TECPR1: variants seen among roughly 807,000 people sequenced by gnomAD.
TECPR1 encodes tectonin beta-propeller repeat containing 1.
In TECPR1, 122 loss-of-function variants were observed where a neutral mutation model predicts 162.4. That is an observed-to-expected ratio of 0.75 (90% CI 0.65 to 0.87). The LOEUF is 0.87. TECPR1 is among the 40% of genes least tolerant of loss of function. TECPR1 has a pLI of 0.00. For missense variants in TECPR1, 1,432 were observed against 1,618.2 expected (o/e 0.88, Z 1.97); for synonymous variants, 642 against 670.6 (o/e 0.96, Z 0.66).
At chr7:98,236,218 C>T (rs1798597604) in intron 10 of TECPR1, among the ~76,000 whole-genome samples, 1 of 152,218 alleles carries the variant, frequency 6.6e-6, no homozygotes, top group South Asian at 2.1e-4. Flanking sequence ...AAAACTGCAG[C>T]AGCATCACCT....
chr7:98,244,581 A>G lies in TECPR1; in HGVS notation c.521T>C (p.Ile174Thr), dbSNP rs2116624787. The G allele has an allele frequency of 1.9e-6, 3 of 1,608,314 alleles. No homozygotes were observed. The highest frequency in any genetic ancestry group is 4.5e-5 in the East Asian group (2 of 44,730). Residue 174 changes from isoleucine (I) to threonine (T), a missense_variant, in exon 5 of 26, where the codon ATC (isoleucine) becomes ACC (threonine). Ile to Thr is a moderately conservative substitution (Grantham distance 89, BLOSUM62 -1). Coordinates refer to ENST00000447648, the MANE Select transcript of TECPR1 (RefSeq NM_015395.3). ...IRYRRYKSRD[I>T]WAKIPSKDDP... ...TTCAGGAACAGAGACCTTGGCCCAG[A>G]TGTCCCGGGACTTGTATCTCCTGTA... is the stretch of plus-strand genomic sequence containing the variant.
In TECPR1 at chr7:98,240,850, C is replaced by T; in HGVS notation, c.933+1G>A. 1 of 1,598,522 alleles carries T rather than the reference C, an allele frequency of 6.3e-7. No individual in the cohort carries two copies. The highest frequency in any genetic ancestry group is 1.3e-5 in the African/African-American group (1 of 74,780). ...ATCCCCCAGCCTCATCCCCATCTTA[C>T]CTTCCAGTCCTTGGTGACAGCCCAG... On this transcript the variant is annotated splice_donor_variant, in intron 8 of 25. Coordinates refer to ENST00000447648, the MANE Select transcript of TECPR1 (RefSeq NM_015395.3). LOFTEE classifies it high-confidence loss of function.
Position 98,221,953 on chromosome 7 carries a change from C to T in TECPR1, c.3065-200G>A, listed in dbSNP as rs1330807202. 2.0e-5 allele frequency among the ~76,000 whole-genome samples: 3 copies of T among 152,232 alleles called. No homozygotes were observed. In the South Asian group the frequency reaches 6.2e-4, roughly 31 times the overall value. On this transcript the variant is annotated intron_variant, in intron 22 of 25. Coordinates refer to ENST00000447648, the MANE Select transcript of TECPR1 (RefSeq NM_015395.3). ...GGAAGCCATGGCGGGCTCCGATGGA[C>T]TCATCTTGCCAGCGCAACACAAAGG...
At chr7:98,221,468 C>A (rs530822218) in intron 23 of TECPR1, among the ~76,000 whole-genome samples, 193 bp downstream of exon 23, 2 of 131,688 alleles carry the variant, frequency 1.5e-5, no homozygotes, top group African/African-American at 5.2e-5. Flanking sequence ...CACTCTGTAC[C>A]CATAAAAATT....
chr7:98,246,009 C>A lies in TECPR1; in HGVS notation c.138G>T (p.Trp46Cys). The A allele has an allele frequency of 6.2e-7, 1 of 1,603,578 alleles. No individual in the cohort carries two copies. The highest frequency in any genetic ancestry group is 2.3e-5 in the East Asian group (1 of 44,334). ...KRVSATTQCCWGIACDNQVYV... is the reference protein window; with the variant it reads ...KRVSATTQCCCGIACDNQVYV... ...AGACCTGGTTGTCACAGGCAATGCC[C>A]CAGCAGCACTGCGTGGTGGCGCTGA... The change falls in exon 3 of 26, where the codon TGG becomes TGT. Residue 46 changes from tryptophan (W) to cysteine (C), a missense_variant. Transcript: ENST00000447648.
intron 2 of TECPR1, among the ~76,000 whole-genome samples, chr7:98,248,287 C>T (rs1012122229): frequency 6.6e-6 from 1 of 152,126 alleles, no homozygotes; most frequent in Non-Finnish European, 1.5e-5. Context: ...CAGGGCGGCT[C>T]CTAGATCCAA....
chr7:98,216,056 G>C lies in TECPR1; in HGVS notation c.*1334C>G, dbSNP rs981646501. On this transcript the variant is annotated 3_prime_UTR_variant, in exon 26 of 26. Transcript: ENST00000447648. ...TCCAACCGAGCAGAGCCTGGGGTTG[G>C]GCTCTGATGACCTCCCGGGCAAAGT... The C allele has an allele frequency of 2.6e-5, 4 of 152,260 alleles. No homozygotes were observed. Among genetic ancestry groups the C allele is most frequent in the Admixed American group, 6.5e-5 (1 of 15,288 alleles). 9.4% of individuals were successfully genotyped at this position (152,260 alleles called of 1,614,324 possible). A position where few individuals can be genotyped will look rare whatever the true frequency, so the allele number is the denominator to read the frequency against.
At chr7:98,219,802 G>T (rs1419093820) in intron 23 of TECPR1, among the ~76,000 whole-genome samples, 3 of 152,032 alleles carry the variant, frequency 2.0e-5, no homozygotes, top group Admixed American at 1.3e-4. Context: ...TCGGGAGGCT[G>T]AGGTAGGAGA....
intron 2 of TECPR1, among the ~76,000 whole-genome samples, chr7:98,249,519 G>T (rs1470977319): frequency 6.6e-6 from 1 of 152,162 alleles, no homozygotes; most frequent in Admixed American, 6.6e-5. Flanking sequence ...AGGACTGAGG[G>T]TCCCTCTGGC....
chr7:98,251,666 G>C (rs1215339569), intron 1 of TECPR1, 118 bp from the exon 2 acceptor site: 1 of 152,320 alleles, frequency 6.6e-6, no homozygotes, highest in South Asian at 2.1e-4. Flanking sequence ...GTTCAGCCCA[G>C]TGCTGTGCAC....
intron 17 of TECPR1, among the ~76,000 whole-genome samples, chr7:98,227,262 C>A (rs1035726170): frequency 3.3e-5 from 5 of 151,516 alleles, no homozygotes; most frequent in Non-Finnish European, 7.4e-5. Flanking sequence ...CGTGGTGGAG[C>A]GCGCCTGTAA....
intron 16 of TECPR1, among the ~76,000 whole-genome samples, 154 bp from the exon 17 acceptor site, chr7:98,228,270 A>C (rs1395883677): frequency 6.6e-6 from 1 of 152,136 alleles, no homozygotes; most frequent in Non-Finnish European, 1.5e-5. Flanking sequence ...AGCTTATCGC[A>C]CGGGGGTCGG....
rs1798280225 is a variant in TECPR1, at chr7:98,226,393, T to C, written c.2514-1291A>G. 13 of 970,112 alleles carry C rather than the reference T, an allele frequency of 1.3e-5. No homozygotes were observed. The South Asian group carries it at 5.2e-4, about 39-fold the overall frequency. 60.1% of individuals were successfully genotyped at this position (970,112 alleles called of 1,614,324 possible). A position where few individuals can be genotyped will look rare whatever the true frequency, so the allele number is the denominator to read the frequency against. On this transcript the variant is annotated intron_variant, in intron 17 of 25. Coordinates refer to ENST00000447648, the MANE Select transcript of TECPR1 (RefSeq NM_015395.3). ...AGGACGCTGAAAAGGTCACATATGGTTGAGACGTCCAAGGCTGAGTAAAGT... is the reference window on the plus strand; with the variant it reads ...AGGACGCTGAAAAGGTCACATATGGCTGAGACGTCCAAGGCTGAGTAAAGT...
At chr7:98,218,073 G>T in intron 23 of TECPR1, 31 bp from the exon 24 acceptor site, 1 of 1,526,102 alleles carries the variant, frequency 6.6e-7, no homozygotes, top group Non-Finnish European at 8.9e-7. Flanking sequence ...GGTCAAAGGG[G>T]AAGACCTTCC....
In TECPR1 at chr7:98,245,029, C is replaced by G. The variant is rs1034017339; in HGVS notation, c.264G>C (p.Leu88=). Residue 88 remains leucine, a synonymous_variant, in exon 4 of 26, where the codon CTG becomes CTC. Transcript: ENST00000447648. The part of the protein sequence containing the change: ...NPMGGFCEKL[L]LSDRWGWSDV... ...CACTCCACCCCCAGCGGTCACTCAG[C>G]AGGAGCTTCTCACAGAAGCCGCCCA... 6.2e-6 allele frequency: 10 copies of G among 1,603,460 alleles called. No homozygotes were observed. In the African/African-American group the frequency reaches 1.3e-4, roughly 21 times the overall value.
rs1584315732 is a variant in TECPR1, at chr7:98,216,484, A to G, written c.*906T>C. 6.7e-6 allele frequency: 1 copy of G among 148,700 alleles called. No individual in the cohort carries two copies. Among genetic ancestry groups the G allele is most frequent in the African/African-American group, 2.5e-5 (1 of 40,132 alleles). The allele number at this position is 148,700 out of a possible 1,614,324, so 9.2% of individuals were successfully genotyped here. A position where few individuals can be genotyped will look rare whatever the true frequency, so the allele number is the denominator to read the frequency against. Reference sequence around the variant, plus strand: ...ATCCTCTCCCAGCCTCCCGTCTGGTACCCCGGCCCCCTCAGGGAAGAGGAC... The same window carrying G: ...ATCCTCTCCCAGCCTCCCGTCTGGTGCCCCGGCCCCCTCAGGGAAGAGGAC... On this transcript the variant is annotated 3_prime_UTR_variant, in exon 26 of 26. Coordinates refer to ENST00000447648, the MANE Select transcript of TECPR1 (RefSeq NM_015395.3).
At chr7:98,217,890 G>T in intron 24 of TECPR1, 46 bp downstream of exon 24, 9 of 1,545,802 alleles carry the variant, frequency 5.8e-6, no homozygotes, top group Non-Finnish European at 7.9e-6. Context: ...GACCAGAGAG[G>T]GAACCAGAGC....
chr7:98,227,869 G>A (rs918817881), intron 17 of TECPR1, 145 bp downstream of exon 17: 12 of 590,560 alleles, frequency 2.0e-5, no homozygotes, highest in Non-Finnish European at 3.6e-5. Flanking sequence ...ATCTCAGTGA[G>A]CGGTAAGATC....
At chr7:98,234,700 ATTGTCTTTTTTT>A (rs1798545256) in intron 10 of TECPR1, among the ~76,000 whole-genome samples, 2 of 97,514 alleles carry the variant, frequency 2.1e-5, no homozygotes, top group African/African-American at 7.7e-5. Flanking sequence ...AGCATTTGTT[ATTGTCTTTTTTT>A]TTTTTTTTTT....
Sources: gnomAD v4.1 joint callset for allele counts (sites outside exome capture counted in the v4.1 genomes callset) on GRCh38, gnomAD v4.1.1 for gene constraint, MANE v1.5 for transcripts, NCBI Gene and HGNC (gene_info 2026-07-23, HGNC 2026-07-21) for gene names.